Variants in ARHGAP22 observed in about 807,000 individuals in gnomAD.
ARHGAP22 encodes the protein rho GTPase-activating protein 22.
A neutral mutation model predicts 59.1 loss-of-function variants in ARHGAP22; 48 were observed. That is an observed-to-expected ratio of 0.81 (90% confidence interval 0.64 to 1.03). The LOEUF (loss-of-function observed/expected upper bound fraction) is 1.03. Ranked by LOEUF, ARHGAP22 falls within the 50% of genes least tolerant of loss-of-function variation. The probability of loss-of-function intolerance (pLI) is 0.00; values close to 1 mark genes in which losing one functional copy is unlikely to be tolerated. For synonymous variants in ARHGAP22, 445 were observed against 416.4 expected, an observed-to-expected ratio of 1.07 and a Z score of -0.84; for missense variants, 1,015 against 958.7, an observed-to-expected ratio of 1.06 and a Z score of -0.78.
At chr10:48,487,250 GTT>G (rs1031795636) in intron 3 of ARHGAP22, among the ~76,000 whole-genome samples, 24 of 152,064 alleles carry the variant, frequency 1.6e-4, no homozygotes, top group African/African-American at 5.3e-4. Context: ...TTCTCTGTGT[GTT>G]TTATCTTTGT....
At chr10:48,435,008 G>A in the ARHGAP22 span, 2 of 1,475,206 alleles carry the variant, frequency 1.4e-6, no homozygotes, top group South Asian at 2.3e-5. Flanking sequence ...CAGCAGCTGG[G>A]CCTCTGGGCT....
chr10:48,484,443 G>A (rs1424207947), intron 3 of ARHGAP22, among the ~76,000 whole-genome samples: 1 of 152,138 alleles, frequency 6.6e-6, no homozygotes, highest in Non-Finnish European at 1.5e-5. Context: ...AGGGATATTG[G>A]CCTGCAGTTT....
intron 3 of ARHGAP22, among the ~76,000 whole-genome samples, chr10:48,492,098 A>G (rs967743514): frequency 3.3e-5 from 5 of 152,166 alleles, no homozygotes; most frequent in Admixed American, 6.5e-5. Context: ...TTTTCCATAT[A>G]AACATTTTCA....
At chr10:48,635,402 G>A (rs1373891302) in intron 1 of ARHGAP22, among the ~76,000 whole-genome samples, 2 of 152,232 alleles carry the variant, frequency 1.3e-5, no homozygotes, top group African/African-American at 4.8e-5. Flanking sequence ...CCAGCTCCAA[G>A]TTCAGCCACA....
chr10:48,653,302 C>T (rs943078448), upstream of ARHGAP22, among the ~76,000 whole-genome samples: 8 of 152,226 alleles, frequency 5.3e-5, no homozygotes, highest in African/African-American at 1.2e-4. Flanking sequence ...CAAGCATAGC[C>T]AGTGCTCAGT....
the ARHGAP22 span, chr10:48,436,849 A>G: frequency 1.2e-4 from 18 of 152,226 alleles, no homozygotes; most frequent in Admixed American, 1.1e-3. Flanking sequence ...TAGGCAAATT[A>G]GAGTTCTAAG....
chr10:48,489,528 T>C (rs2050161319), intron 3 of ARHGAP22, among the ~76,000 whole-genome samples: 1 of 152,236 alleles, frequency 6.6e-6, no homozygotes. Context: ...GCTGACCTTC[T>C]TCTCTGTAAC....
At chr10:48,539,199 A>T (rs1346460084) in intron 3 of ARHGAP22, among the ~76,000 whole-genome samples, 1 of 151,886 alleles carries the variant, frequency 6.6e-6, no homozygotes, top group African/African-American at 2.4e-5. Context: ...AAATATTATT[A>T]GAAGTTTCTT....
chr10:48,564,612 T>A (rs2120908), intron 2 of ARHGAP22, among the ~76,000 whole-genome samples: 149,530 of 152,366 alleles, frequency 0.98, 73,431 homozygotes, highest in Middle Eastern at 1. Context: ...GCCCATGCCC[T>A]ACTCACGGGC....
intron 1 of ARHGAP22, among the ~76,000 whole-genome samples, chr10:48,597,185 G>A (rs2060120286): frequency 6.6e-6 from 1 of 152,086 alleles, no homozygotes; most frequent in African/African-American, 2.4e-5. Flanking sequence ...TCATGTCTGC[G>A]AATGTGAGGC....
chr10:48,577,458 A>G (rs946779945), intron 2 of ARHGAP22, among the ~76,000 whole-genome samples: 1 of 152,186 alleles, frequency 6.6e-6, no homozygotes, highest in Non-Finnish European at 1.5e-5. Flanking sequence ...GGGCATACAC[A>G]GGAGGGTCCA....
chr10:48,581,129 G>T (rs1474157070), intron 2 of ARHGAP22, among the ~76,000 whole-genome samples: 1 of 152,134 alleles, frequency 6.6e-6, no homozygotes, highest in African/African-American at 2.4e-5. Flanking sequence ...GGAACTTTCA[G>T]ATCTCACCTG....
intron 3 of ARHGAP22, among the ~76,000 whole-genome samples, chr10:48,543,912 A>G (rs1447294038): frequency 6.6e-6 from 1 of 152,186 alleles, no homozygotes; most frequent in African/African-American, 2.4e-5. Flanking sequence ...GCCTGAGGTC[A>G]GGAGTTCGAG....
Position 48,450,531 on chromosome 10 carries a change from CG to C in ARHGAP22, c.1597del (p.Arg533AlafsTer89). 6.6e-7 allele frequency: 1 copy of C among 1,518,654 alleles called. No individual in the cohort carries two copies. Among genetic ancestry groups the C allele is most frequent in the Non-Finnish European group, 8.8e-7 (1 of 1,133,426 alleles). The allele number at this position is 1,518,654 out of a possible 1,614,324, so 94.1% of individuals were successfully genotyped here. ...ACTGCGGGCAGACGAGTCGCTGGCG[CG>C]GCAGGCCGTGCAGCTGCTGAGTGAG... The part of the protein sequence containing the change: ...GGSLSSCTAC[R>X]ASDSSARSSL... On this transcript the variant is annotated frameshift_variant, in exon 9 of 10. Coordinates refer to ENST00000249601, the MANE Select transcript of ARHGAP22 (RefSeq NM_021226.4). LOFTEE classifies it high-confidence loss of function.
At chr10:48,478,583 C>G (rs1250721610) in intron 4 of ARHGAP22, among the ~76,000 whole-genome samples, 1 of 152,210 alleles carries the variant, frequency 6.6e-6, no homozygotes, top group African/African-American at 2.4e-5. Context: ...TGGTCAGAGC[C>G]CAGCCAGCTT....
At chr10:48,552,377 T>A (rs2056965711) in intron 3 of ARHGAP22, among the ~76,000 whole-genome samples, 1 of 152,258 alleles carries the variant, frequency 6.6e-6, no homozygotes, top group Non-Finnish European at 1.5e-5. Context: ...TTAGGCTCCT[T>A]CCTGCGCCTG....
In ARHGAP22 at chr10:48,450,935, C is replaced by T. The variant is rs749643168; in HGVS notation, c.1194G>A (p.Gly398=). 6.3e-6 allele frequency: 10 copies of T among 1,588,230 alleles called. No individual in the cohort carries two copies. In the African/African-American group the frequency reaches 1.1e-4, roughly 17 times the overall value. The change falls in exon 9 of 10, where the codon GGG becomes GGA. Residue 398 remains glycine, a synonymous_variant. Coordinates refer to ENST00000249601, the MANE Select transcript of ARHGAP22 (RefSeq NM_021226.4). ...LPAHRTSSLD[G]AAVAVLSRTA... ...TTCTGGAGAGCACCGCCACGGCCGC[C>T]CCGTCCAGGGAAGAGGTCCTGTGCG...
chr10:48,543,011 G>A (rs946288759), intron 3 of ARHGAP22, among the ~76,000 whole-genome samples: 1 of 152,190 alleles, frequency 6.6e-6, no homozygotes, highest in African/African-American at 2.4e-5. Flanking sequence ...CCTAGTGACT[G>A]GTGGGAGAGG....
At chr10:48,431,131 C>A in the ARHGAP22 span, 1 of 1,006,200 alleles carries the variant, frequency 9.9e-7, no homozygotes, top group East Asian at 2.4e-5. Flanking sequence ...TTAAACCATA[C>A]ATGCGTTGTG....
Sources: allele counts gnomAD v4.1 joint callset (sites outside exome capture counted in the v4.1 genomes callset), GRCh38; gene constraint gnomAD v4.1.1; transcripts MANE v1.5; gene names NCBI Gene and HGNC (gene_info 2026-07-23, HGNC 2026-07-21).